Variants in EXOC4 observed in about 807,000 individuals in gnomAD.
The protein encoded by EXOC4 is exocyst complex component 4, also known as SEC8-like 1.
A neutral mutation model predicts 107.2 loss-of-function variants in EXOC4; 71 were observed. The observed-to-expected ratio is 0.66, with a 90% CI of 0.55 to 0.81. EXOC4 has a LOEUF of 0.81. Ranked by LOEUF, EXOC4 falls within the 30% of genes least tolerant of loss-of-function variation. The pLI is 0.00. For missense variants in EXOC4, 1,108 were observed against 1,189.6 expected, an observed-to-expected ratio of 0.93 and a Z score of 1.01; for synonymous variants, 456 against 441.2, an observed-to-expected ratio of 1.03 and a Z score of -0.42.
In EXOC4 at chr7:133,832,476, A is replaced by G. The variant is rs567142964; in HGVS notation, c.1734+14932A>G. The stretch of plus-strand genomic sequence containing the variant: ...CCTATTCAACATTTCTCTCTTTTTA[A>G]GACTCTGGCTGTCACTGATTTTTTA... On this transcript the variant is annotated intron_variant, in intron 11 of 17. Coordinates refer to ENST00000253861, the MANE Select transcript of EXOC4 (RefSeq NM_021807.4). Among the ~76,000 whole-genome samples the G allele has an allele frequency of 1.2e-4, 19 of 152,296 alleles. No homozygotes were observed. In the South Asian group the frequency reaches 3.9e-3, roughly 32 times the overall value.
At chr7:134,076,545 GTGT>G in the EXOC4 span, among the ~76,000 whole-genome samples, 23 of 151,976 alleles carry the variant, frequency 1.5e-4, no homozygotes, top group African/African-American at 5.6e-4. Context: ...CAACAAGTAT[GTGT>G]TGTTCACTCA....
chr7:133,745,696 T>C (rs1164788294), intron 10 of EXOC4, among the ~76,000 whole-genome samples: 1 of 151,150 alleles, frequency 6.6e-6, no homozygotes, highest in Non-Finnish European at 1.5e-5. Context: ...TTAGAACTAT[T>C]GCCTCCTGTT....
chr7:133,940,637 T>C (rs924239401), intron 14 of EXOC4, among the ~76,000 whole-genome samples: 1 of 152,364 alleles, frequency 6.6e-6, no homozygotes, highest in Non-Finnish European at 1.5e-5. Context: ...CCCCCACTTA[T>C]GTGCTCTTTG....
chr7:134,084,429 C>T, the EXOC4 span, among the ~76,000 whole-genome samples: 1 of 152,120 alleles, frequency 6.6e-6, no homozygotes, highest in Admixed American at 6.5e-5. Context: ...ATTGGTGGGG[C>T]ACCATCAAGG....
At chr7:133,669,414 G>A (rs1793896746) in intron 10 of EXOC4, among the ~76,000 whole-genome samples, 1 of 152,200 alleles carries the variant, frequency 6.6e-6, no homozygotes, top group East Asian at 1.9e-4. Context: ...GCCAGGCCAG[G>A]GCACCTGTGT....
chr7:134,057,883 G>T lies in EXOC4; in HGVS notation c.2688-6408G>T, dbSNP rs1035521676. Among the ~76,000 whole-genome samples, 3 of 152,148 alleles carry T rather than the reference G, an allele frequency of 2.0e-5. No individual in the cohort carries two copies. In the East Asian group the frequency reaches 5.8e-4, roughly 29 times the overall value. On this transcript the variant is annotated intron_variant, in intron 17 of 17. Transcript: ENST00000253861. ...GAGAAATAGATCCAGATAGCTGGTGGTATTTGCCCAAGGTCACATGGCTAG... is the reference window on the plus strand; with the variant it reads ...GAGAAATAGATCCAGATAGCTGGTGTTATTTGCCCAAGGTCACATGGCTAG...
chr7:133,478,961 C>T (rs975100873), intron 8 of EXOC4: 2 of 152,114 alleles, frequency 1.3e-5, no homozygotes, highest in African/African-American at 4.8e-5. Context: ...CAAGTGTTTC[C>T]CTCACAGACT....
At chr7:133,473,796 G>A (rs557221917) in intron 7 of EXOC4, among the ~76,000 whole-genome samples, 11 of 152,088 alleles carry the variant, frequency 7.2e-5, no homozygotes, top group African/African-American at 2.7e-4. Flanking sequence ...CGCCTCCTGG[G>A]TTCACACCAT....
chr7:133,358,513 TG>T, intron 6 of EXOC4, among the ~76,000 whole-genome samples: 1 of 152,200 alleles, frequency 6.6e-6, no homozygotes, highest in Non-Finnish European at 1.5e-5. Context: ...AGCTGGAGAA[TG>T]GTTCTTTGAA....
At chr7:133,716,392 A>G (rs547102493) in intron 10 of EXOC4, among the ~76,000 whole-genome samples, 27 of 152,360 alleles carry the variant, frequency 1.8e-4, no homozygotes, top group African/African-American at 6.0e-4. Flanking sequence ...ATGTATACAG[A>G]TAAGGATTTA....
At chr7:133,464,806 GGTTGGTTTTTTTTT>G (rs1798681150) in intron 7 of EXOC4, among the ~76,000 whole-genome samples, 1 of 27,144 alleles carries the variant, frequency 3.7e-5, no homozygotes, top group Non-Finnish European at 7.0e-5. Flanking sequence ...TTGTTGGTTG[GGTTGGTTTTTTTTT>G]TTTTTTTTTT....
At chr7:133,397,965 G>C (rs1797009278) in intron 7 of EXOC4, among the ~76,000 whole-genome samples, 1 of 152,124 alleles carries the variant, frequency 6.6e-6, no homozygotes, top group South Asian at 2.1e-4. Flanking sequence ...GTGAGACTGA[G>C]ATTCAAATTC....
In EXOC4 at chr7:133,857,110, A is replaced by G. The variant is rs193261059; in HGVS notation, c.1735-38489A>G. On this transcript the variant is annotated intron_variant, in intron 11 of 17. Transcript: ENST00000253861. ...AGACTCCGTCTTTATATATATATAT[A>G]TGTGTATATATATATGTATATATAT... 7.4e-4 allele frequency among the ~76,000 whole-genome samples: 75 copies of G among 100,888 alleles called. 3 individuals carry two copies. In the East Asian group the frequency reaches 0.012, roughly 16 times the overall value. The allele number at this position is 100,888 out of a possible 152,430, so 66.2% of individuals were successfully genotyped here.
In EXOC4 at chr7:133,960,567, A is replaced by G. The variant is rs189226159; in HGVS notation, c.2206+22498A>G. 2.3e-4 allele frequency among the ~76,000 whole-genome samples: 35 copies of G among 152,370 alleles called. No individual in the cohort carries two copies. In the East Asian group the frequency reaches 5.2e-3, roughly 23 times the overall value. On this transcript the variant is annotated intron_variant, in intron 14 of 17. Coordinates refer to ENST00000253861, the MANE Select transcript of EXOC4 (RefSeq NM_021807.4). ...CACAAGTCAATAAATGTGATACACC[A>G]CATAAACAGAATTAAAAACCAAAAT...
chr7:133,825,748 T>G (rs566545506), intron 11 of EXOC4, among the ~76,000 whole-genome samples: 2 of 152,344 alleles, frequency 1.3e-5, no homozygotes, highest in South Asian at 4.1e-4. Flanking sequence ...GAGAATAGAT[T>G]CAGCTTTTAT....
intron 10 of EXOC4, among the ~76,000 whole-genome samples, chr7:133,665,373 G>A (rs2151051141): frequency 6.6e-6 from 1 of 152,270 alleles, no homozygotes; most frequent in East Asian, 1.9e-4. Context: ...AAACATTTAA[G>A]TTAATGGTGC....
intron 9 of EXOC4, among the ~76,000 whole-genome samples, chr7:133,629,475 T>C (rs779505644): frequency 2.6e-5 from 4 of 152,224 alleles, no homozygotes; most frequent in Non-Finnish European, 5.9e-5. Flanking sequence ...GTCGCATTTA[T>C]TCTTACTGTG....
At chr7:133,362,257 A>G (rs1024040608) in intron 6 of EXOC4, among the ~76,000 whole-genome samples, 25 of 152,276 alleles carry the variant, frequency 1.6e-4, no homozygotes, top group African/African-American at 5.5e-4. Flanking sequence ...TAATATTTAT[A>G]TCTTTGATAC....
In EXOC4 at chr7:134,009,237, TG is replaced by T. The variant is rs367963113; in HGVS notation, c.2687+1404del. Among the ~76,000 whole-genome samples the T allele has an allele frequency of 5.0e-3, 764 of 152,316 alleles. 5 individuals carry two copies. The highest frequency in any genetic ancestry group is 0.017 in the African/African-American group (726 of 41,590). The stretch of plus-strand genomic sequence containing the variant: ...TTCTGCCTGAGATTTAGTATTTCTG[TG>T]GTCTTTTCACTTGATTTTTTTGATT... On this transcript the variant is annotated intron_variant, in intron 17 of 17. Coordinates refer to ENST00000253861, the MANE Select transcript of EXOC4 (RefSeq NM_021807.4).
Sources: gnomAD v4.1 joint callset for allele counts (sites outside exome capture counted in the v4.1 genomes callset) on GRCh38, gnomAD v4.1.1 for gene constraint, MANE v1.5 for transcripts, NCBI Gene and HGNC (gene_info 2026-07-23, HGNC 2026-07-21) for gene names.